WDR70: variants seen among roughly 807,000 people sequenced by gnomAD.
WDR70 encodes WD repeat domain 70.
Under a neutral mutation model 88.6 loss-of-function variants are expected in WDR70, and 53 were observed. The observed-to-expected ratio is 0.60, with a 90% CI of 0.48 to 0.75. The LOEUF is 0.75. Among genes scored for constraint, WDR70 ranks in the 30% least tolerant of loss-of-function variants. The probability of loss-of-function intolerance (pLI) is 0.00; values close to 1 mark genes in which losing one functional copy is unlikely to be tolerated. For synonymous variants in WDR70, 280 were observed against 270.0 expected, an observed-to-expected ratio of 1.04 and a Z score of -0.36; for missense variants, 610 against 823.2, an observed-to-expected ratio of 0.74 and a Z score of 3.17.
intron 17 of WDR70, among the ~76,000 whole-genome samples, chr5:37,744,794 C>T (rs1021806022): frequency 2.0e-5 from 3 of 151,714 alleles, no homozygotes; most frequent in Non-Finnish European, 4.4e-5. Flanking sequence ...ATTAAAAAAA[C>T]GAACCTATGA....
intron 10 of WDR70, among the ~76,000 whole-genome samples, chr5:37,678,325 C>T (rs1157865504): frequency 6.6e-6 from 1 of 152,120 alleles, no homozygotes; most frequent in African/African-American, 2.4e-5. Flanking sequence ...TCTTCCTGGT[C>T]TTGATGGTCT....
At chr5:37,473,213 T>C (rs555421731) in intron 7 of WDR70, among the ~76,000 whole-genome samples, 15 of 132,438 alleles carry the variant, frequency 1.1e-4, no homozygotes, top group African/African-American at 4.0e-4. Context: ...TTACTTTTAG[T>C]GGGTTGTTGG....
intron 15 of WDR70, chr5:37,724,162 G>A (rs1211900212): frequency 1.3e-5 from 2 of 151,998 alleles, no homozygotes; most frequent in African/African-American, 4.8e-5. Flanking sequence ...GCAAAAAAAG[G>A]GAGTTATTTA....
chr5:37,443,850 C>CA (rs954807673), intron 7 of WDR70, among the ~76,000 whole-genome samples: 1 of 151,076 alleles, frequency 6.6e-6, no homozygotes, highest in Non-Finnish European at 1.5e-5. Context: ...GACTCCATCT[C>CA]AAAAAAAATT....
intron 10 of WDR70, among the ~76,000 whole-genome samples, chr5:37,673,358 A>G (rs1404221667): frequency 6.6e-6 from 1 of 152,144 alleles, no homozygotes; most frequent in Non-Finnish European, 1.5e-5. Context: ...TGTTGCAGTG[A>G]ACATATATAT....
chr5:37,388,304 G>A (rs1748690633), intron 3 of WDR70, among the ~76,000 whole-genome samples: 1 of 151,700 alleles, frequency 6.6e-6, no homozygotes, highest in East Asian at 2.0e-4. Flanking sequence ...TTTTAGTAGA[G>A]ACGGGGTTTC....
intron 5 of WDR70, among the ~76,000 whole-genome samples, chr5:37,421,303 C>T (rs1399291822): frequency 6.6e-6 from 1 of 152,184 alleles, no homozygotes; most frequent in Non-Finnish European, 1.5e-5. Context: ...TCTGTGTAAA[C>T]TGTGAACAGT....
chr5:37,401,434 G>T (rs545544240), intron 5 of WDR70, among the ~76,000 whole-genome samples: 5 of 151,488 alleles, frequency 3.3e-5, no homozygotes, highest in Admixed American at 6.6e-5. Context: ...TCCTGCCTCA[G>T]CCTCCTGAGT....
intron 9 of WDR70, among the ~76,000 whole-genome samples, chr5:37,564,712 T>A (rs1158071089): frequency 1.3e-5 from 2 of 152,190 alleles, no homozygotes; most frequent in Non-Finnish European, 2.9e-5. Context: ...CTTCCTTTCC[T>A]AAGATGAAAT....
At chr5:37,604,429 T>C (rs574983882) in intron 9 of WDR70, among the ~76,000 whole-genome samples, 5 of 152,284 alleles carry the variant, frequency 3.3e-5, no homozygotes, top group South Asian at 2.1e-4. Context: ...CTGGGTCTTG[T>C]GGTGTTTGTT....
chr5:37,532,832 A>C (rs1741539280), intron 9 of WDR70, among the ~76,000 whole-genome samples: 1 of 151,872 alleles, frequency 6.6e-6, no homozygotes, highest in Non-Finnish European at 1.5e-5. Flanking sequence ...GGTGTTAAAG[A>C]CCCTTGCTTT....
intron 7 of WDR70, among the ~76,000 whole-genome samples, chr5:37,457,498 A>G (rs1285663462): frequency 6.6e-6 from 1 of 152,198 alleles, no homozygotes; most frequent in East Asian, 1.9e-4. Context: ...TGTCTTATAG[A>G]GGGCAATTTG....
chr5:37,602,982 A>G (rs548837277), intron 9 of WDR70, among the ~76,000 whole-genome samples: 4 of 152,200 alleles, frequency 2.6e-5, no homozygotes, highest in African/African-American at 7.2e-5. Flanking sequence ...CTTAAAAAAA[A>G]ATAAAAAAAA....
At chr5:37,550,018 T>C (rs2112346621) in intron 9 of WDR70, among the ~76,000 whole-genome samples, 1 of 152,254 alleles carries the variant, frequency 6.6e-6, no homozygotes, top group South Asian at 2.1e-4. Flanking sequence ...TGTGTCACAA[T>C]GCCCAGCTAA....
At chr5:37,528,588 C>T (rs1416567683) in intron 9 of WDR70, among the ~76,000 whole-genome samples, 1 of 152,018 alleles carries the variant, frequency 6.6e-6, no homozygotes, top group Non-Finnish European at 1.5e-5. Flanking sequence ...TGTAACAAAC[C>T]TGCACGTTGT....
intron 9 of WDR70, among the ~76,000 whole-genome samples, chr5:37,554,108 CT>C (rs75489460): frequency 0.025 from 3,348 of 134,330 alleles, 80 homozygotes; most frequent in African/African-American, 0.069. Flanking sequence ...TGCAATACTC[CT>C]TTTTTTTTTT....
chr5:37,715,484 T>C (rs1195207272), intron 13 of WDR70, among the ~76,000 whole-genome samples: 1 of 152,152 alleles, frequency 6.6e-6, no homozygotes, highest in Non-Finnish European at 1.5e-5. Flanking sequence ...CTTTAAACTT[T>C]TCCATTGAGG....
At position 37,644,395 on chromosome 5, in the gene WDR70, G is replaced by A. The variant is rs564571492; in HGVS notation, c.1092+39157G>A. Among the ~76,000 whole-genome samples the A allele has an allele frequency of 1.4e-3, 211 of 151,990 alleles. 1 individual carries two copies. The highest frequency in any genetic ancestry group is 2.2e-3 in the Non-Finnish European group (152 of 67,906). ...TGAATTCATTTGCTGGTATTTTCTG[G>A]AGGGTTTTTGCATCAACATTCATCA... On this transcript the variant is annotated intron_variant, in intron 10 of 17. Transcript: ENST00000265107.
intron 8 of WDR70, among the ~76,000 whole-genome samples, chr5:37,516,117 A>G (rs896052838): frequency 2.6e-5 from 4 of 152,188 alleles, no homozygotes; most frequent in Non-Finnish European, 5.9e-5. Context: ...TTATTTGTAA[A>G]TGCTTTCTAT....
Sources: gnomAD v4.1 joint callset for allele counts (sites outside exome capture counted in the v4.1 genomes callset) on GRCh38, gnomAD v4.1.1 for gene constraint, MANE v1.5 for transcripts, NCBI Gene and HGNC (gene_info 2026-07-23, HGNC 2026-07-21) for gene names.